Variants in TMCO1 observed in about 807,000 individuals in gnomAD.
TMCO1 encodes calcium load-activated calcium channel.
Under a neutral mutation model 29.3 loss-of-function variants are expected in TMCO1, and 29 were observed. The observed-to-expected ratio is 0.99, with a 90% CI of 0.74 to 1.35. The LOEUF is 1.35. Among genes scored for constraint, TMCO1 ranks in the 40% most tolerant of loss-of-function variants. TMCO1 has a pLI of 0.00. For synonymous variants in TMCO1, 80 were observed against 77.1 expected, an observed-to-expected ratio of 1.04 and a Z score of -0.20; for missense variants, 173 against 225.5, an observed-to-expected ratio of 0.77 and a Z score of 1.49.
Position 165,727,051 on chromosome 1 carries a change from G to C in TMCO1, c.*972C>G, listed in dbSNP as rs1336352883. The C allele has an allele frequency of 2.2e-6, 1 of 454,014 alleles. No individual in the cohort carries two copies. Among genetic ancestry groups the C allele is most frequent in the African/African-American group, 2.0e-5 (1 of 50,098 alleles). 28.1% of individuals were successfully genotyped at this position (454,014 alleles called of 1,614,324 possible). On this transcript the variant is annotated 3_prime_UTR_variant, in exon 7 of 7. Transcript: ENST00000367881. ...TATTTATTGATAAGACTCCACACAG[G>C]ACTCCTAATTCCATAGATTATGCGG... is the stretch of plus-strand genomic sequence containing the variant.
chr1:165,754,325 A>G (rs746015636), intron 3 of TMCO1, 51 bp from the exon 4 acceptor site: 1 of 1,447,254 alleles, frequency 6.9e-7, no homozygotes, highest in Non-Finnish European at 9.7e-7. Context: ...AGCACAAAGC[A>G]GCTGTTAAAT....
At chr1:165,743,440 C>A in intron 5 of TMCO1, 129 bp from the exon 6 acceptor site, 2 of 939,864 alleles carry the variant, frequency 2.1e-6, no homozygotes, top group Admixed American at 2.6e-5. Flanking sequence ...GAGAGGGTGA[C>A]ATGCTAAAAA....
rs756140097 is a variant in TMCO1 at position 165,752,135 on chromosome 1, CA to C, written c.289del (p.Cys97ValfsTer5). On this transcript the variant is annotated frameshift_variant, in exon 5 of 7. Transcript: ENST00000367881. LOFTEE classifies it high-confidence loss of function. ...GAACATTCCCATTAGGGCAGTAAAA[CA>C]AAAGCCAATAGCAAACATGGATTTC... ...RMKSMFAIGF[C>X]FTALMGMFNS... is the part of the protein sequence containing the mutation. 2.5e-6 allele frequency: 4 copies of C among 1,612,624 alleles called. No homozygotes were observed. Among genetic ancestry groups the C allele is most frequent in the Non-Finnish European group, 3.4e-6 (4 of 1,179,560 alleles).
chr1:165,727,673 C>G lies in TMCO1; in HGVS notation c.*350G>C, dbSNP rs1174000256. 2 of 454,100 alleles carry G rather than the reference C, an allele frequency of 4.4e-6. No homozygotes were observed. The highest frequency in any genetic ancestry group is 6.9e-5 in the East Asian group (1 of 14,394). The allele number at this position is 454,100 out of a possible 1,614,324, so 28.1% of individuals were successfully genotyped here. A position where few individuals can be genotyped will look rare whatever the true frequency, so the allele number is the denominator to read the frequency against. ...AATTTTTCTTCTAAATCTCTAAATG[C>G]TCATAGACAGCCAACTTGCAGGGCA... On this transcript the variant is annotated 3_prime_UTR_variant, in exon 7 of 7. Transcript: ENST00000367881.
In TMCO1 at chr1:165,768,238, G is replaced by C. The variant is rs1410430424; in HGVS notation, c.102C>G (p.Asp34Glu). ...CTTCTGCCTTCAGTCTCTTGTACTT[G>C]TCTGTCCTGTAAACCAGGACCCAGG... Reference protein sequence around the residue: ...GITWVLVYRTDKYKRLKAEVE... With the variant: ...GITWVLVYRTEKYKRLKAEVE... The change falls in exon 2 of 7, where the codon GAC (aspartate) becomes GAG (glutamate). Residue 34 changes from aspartate to glutamate, a missense_variant. Transcript: ENST00000367881. The C allele has an allele frequency of 6.2e-7, 1 of 1,613,714 alleles. No individual in the cohort carries two copies. Among genetic ancestry groups the C allele is most frequent in the Non-Finnish European group, 8.5e-7 (1 of 1,179,952 alleles).
chr1:165,731,637 C>G (rs985292691), intron 6 of TMCO1, among the ~76,000 whole-genome samples: 8 of 152,180 alleles, frequency 5.3e-5, no homozygotes, highest in Non-Finnish European at 1.0e-4. Flanking sequence ...AAACAAGAAA[C>G]TGAACTGGTA....
chr1:165,741,932 T>C (rs1332899813), intron 6 of TMCO1, among the ~76,000 whole-genome samples: 1 of 152,246 alleles, frequency 6.6e-6, no homozygotes, highest in Non-Finnish European at 1.5e-5. Flanking sequence ...GTTGAGCAGA[T>C]GCTAGCATCA....
At chr1:165,731,075 AT>A (rs1254523355) in intron 6 of TMCO1, among the ~76,000 whole-genome samples, 1 of 151,698 alleles carries the variant, frequency 6.6e-6, no homozygotes, top group Non-Finnish European at 1.5e-5. Context: ...AATTTTTTGT[AT>A]TTTTAGTAGA....
intron 6 of TMCO1, among the ~76,000 whole-genome samples, chr1:165,729,582 A>G (rs1160624730): frequency 6.6e-6 from 1 of 152,126 alleles, no homozygotes; most frequent in Non-Finnish European, 1.5e-5. Flanking sequence ...AGCCTCCCAA[A>G]GTGCTGGGAT....
At chr1:165,763,664 G>A (rs568697904) in intron 2 of TMCO1, among the ~76,000 whole-genome samples, 6 of 152,218 alleles carry the variant, frequency 3.9e-5, no homozygotes, top group South Asian at 4.2e-4. Context: ...TGTCACCTAG[G>A]CTGGAATGCA....
Position 165,728,007 on chromosome 1 carries a change from TAA to T in TMCO1, c.*14_*15del, listed in dbSNP as rs1322833861. On this transcript the variant is annotated 3_prime_UTR_variant, in exon 7 of 7. Coordinates refer to ENST00000367881, the MANE Select transcript of TMCO1 (RefSeq NM_019026.6). ...TGTGTCTAGAAAGAATGATAGAAAA[TAA>T]AGAGTTCTTGAGTTCAAGAGAACTT... 6.3e-7 allele frequency: 1 copy of T among 1,581,372 alleles called. No individual in the cohort carries two copies. Among genetic ancestry groups the T allele is most frequent in the African/African-American group, 1.3e-5 (1 of 74,172 alleles).
chr1:165,747,872 G>C (rs1398297309), intron 5 of TMCO1, among the ~76,000 whole-genome samples: 1 of 152,084 alleles, frequency 6.6e-6, no homozygotes, highest in Admixed American at 6.6e-5. Flanking sequence ...AAAAGTAAAA[G>C]GGAAGGCAGG....
At chr1:165,752,546 C>T (rs1201123466) in intron 4 of TMCO1, among the ~76,000 whole-genome samples, 1 of 151,812 alleles carries the variant, frequency 6.6e-6, no homozygotes, top group African/African-American at 2.4e-5. Context: ...TGAGCCATTG[C>T]GCCCAGCCTC....
intron 5 of TMCO1, among the ~76,000 whole-genome samples, chr1:165,751,870 G>A (rs907281267): frequency 6.6e-6 from 1 of 151,742 alleles, no homozygotes; most frequent in Non-Finnish European, 1.5e-5. Flanking sequence ...CATAAATAAT[G>A]TATGGATGAG....
intron 6 of TMCO1, among the ~76,000 whole-genome samples, chr1:165,741,050 G>C (rs1217827802): frequency 2.0e-5 from 3 of 152,186 alleles, no homozygotes; most frequent in Non-Finnish European, 4.4e-5. Flanking sequence ...CAACTTATTG[G>C]TGGACATAAT....
At chr1:165,750,947 G>A (rs937791598) in intron 5 of TMCO1, among the ~76,000 whole-genome samples, 1 of 152,078 alleles carries the variant, frequency 6.6e-6, no homozygotes, top group Non-Finnish European at 1.5e-5. Flanking sequence ...GCACACACCT[G>A]TAGTCCCAGC....
At chr1:165,735,446 C>T (rs56317347) in intron 6 of TMCO1, among the ~76,000 whole-genome samples, 2,001 of 150,766 alleles carry the variant, frequency 0.013, 53 homozygotes, top group African/African-American at 0.047. Flanking sequence ...TCCTGGAAAA[C>T]AGAGAGACAA....
Position 165,728,671 on chromosome 1 carries a change from A to G in TMCO1, c.469-550T>C, listed in dbSNP as rs866170003. Among the ~76,000 whole-genome samples the G allele has an allele frequency of 5.3e-5, 8 of 152,266 alleles. No homozygotes were observed. The South Asian group carries it at 1.0e-3, about 20-fold the overall frequency. On this transcript the variant is annotated intron_variant, in intron 6 of 6. Coordinates refer to ENST00000367881, the MANE Select transcript of TMCO1 (RefSeq NM_019026.6). ...TAATGAAAGTGGTTGATTTTTTTCG[A>G]GTAGAGAATCATAAAAGGAGATAAT... is the stretch of plus-strand genomic sequence containing the variant.
intron 6 of TMCO1, among the ~76,000 whole-genome samples, chr1:165,739,532 C>G (rs1009677025): frequency 1.3e-5 from 2 of 151,948 alleles, no homozygotes; most frequent in African/African-American, 4.8e-5. Context: ...GGAGTAGAGG[C>G]ATGCACCACT....
Sources: allele counts gnomAD v4.1 joint callset (sites outside exome capture counted in the v4.1 genomes callset), GRCh38; gene constraint gnomAD v4.1.1; transcripts MANE v1.5; gene names NCBI Gene and HGNC (gene_info 2026-07-23, HGNC 2026-07-21).